The following CDKAL1 variants were observed in gnomAD, a reference collection of about 807,000 sequenced individuals.
CDKAL1 encodes the protein threonylcarbamoyladenosine tRNA methylthiotransferase.
CDKAL1 carries 32 observed loss-of-function variants against 68.2 expected under a neutral mutation model. The observed-to-expected ratio is 0.47, with a 90% CI of 0.35 to 0.63. The LOEUF (loss-of-function observed/expected upper bound fraction) is 0.63, where lower values mean the gene tolerates loss of function less well. CDKAL1 is among the 30% of genes least tolerant of loss of function. The pLI, the probability that CDKAL1 is intolerant of heterozygous loss-of-function variation, is 0.00. For synonymous variants in CDKAL1, 234 were observed against 244.3 expected (o/e 0.96, Z 0.39); for missense variants, 606 against 696.7 (o/e 0.87, Z 1.47).
rs555646027 is a variant in CDKAL1 at position 20,801,287 on chromosome 6, C to T, written c.638+20022C>T. Among the ~76,000 whole-genome samples, 4 of 152,304 alleles carry T rather than the reference C, an allele frequency of 2.6e-5. No individual in the cohort carries two copies. In the South Asian group the frequency reaches 8.3e-4, roughly 32 times the overall value. ...TTCTATCCTCATCTACCACCTTAGG[C>T]TTGCTAACGAGGCTCTGCAGATGAA... On this transcript the variant is annotated intron_variant, in intron 8 of 15. Coordinates refer to ENST00000274695, the MANE Select transcript of CDKAL1 (RefSeq NM_017774.3).
chr6:21,182,226 G>C (rs950901979), intron 13 of CDKAL1, among the ~76,000 whole-genome samples: 2 of 152,092 alleles, frequency 1.3e-5, no homozygotes, highest in African/African-American at 4.8e-5. Flanking sequence ...ATAAATTATA[G>C]AATTAAATTT....
At chr6:20,771,415 T>C (rs181438919) in intron 7 of CDKAL1, among the ~76,000 whole-genome samples, 2 of 152,234 alleles carry the variant, frequency 1.3e-5, no homozygotes, top group East Asian at 3.9e-4. Context: ...TGATTGGAAG[T>C]GAAATGAAGG....
intron 4 of CDKAL1, among the ~76,000 whole-genome samples, chr6:20,632,273 C>T (rs967714907): frequency 2.0e-5 from 3 of 152,190 alleles, no homozygotes; most frequent in Admixed American, 6.5e-5. Context: ...CCTTCTTGAT[C>T]GTGTGGCTGA....
chr6:20,704,931 C>T (rs1189749125), intron 5 of CDKAL1, among the ~76,000 whole-genome samples: 5 of 152,118 alleles, frequency 3.3e-5, no homozygotes, highest in Non-Finnish European at 7.4e-5. Flanking sequence ...ATAAATGGGT[C>T]AGAAAGCCTG....
rs558792556 is a variant in CDKAL1 at position 21,088,159 on chromosome 6, G to A, written c.1237-20242G>A. Among the ~76,000 whole-genome samples the A allele has an allele frequency of 4.6e-5, 7 of 152,278 alleles. No homozygotes were observed. In the South Asian group the frequency reaches 1.5e-3, roughly 32 times the overall value. ...TGTCCCTATCAATGGGAACAACATA[G>A]TTGAACATCTGGCTAGTGACTATAC... On this transcript the variant is annotated intron_variant, in intron 12 of 15. Transcript: ENST00000274695.
At chr6:21,102,504 C>G (rs1773629994) in intron 12 of CDKAL1, among the ~76,000 whole-genome samples, 2 of 152,168 alleles carry the variant, frequency 1.3e-5, no homozygotes, top group South Asian at 4.1e-4. Context: ...TTAGTAAGCC[C>G]TTGTTCTCTG....
At chr6:21,222,936 T>G (rs73389909) in intron 15 of CDKAL1, among the ~76,000 whole-genome samples, 10,852 of 152,118 alleles carry the variant, frequency 0.071, 1,096 homozygotes, top group African/African-American at 0.23. Flanking sequence ...GCATCAAGTG[T>G]GTGTGCATGT....
chr6:20,679,066 G>C (rs1770253561), intron 5 of CDKAL1, among the ~76,000 whole-genome samples: 1 of 152,086 alleles, frequency 6.6e-6, no homozygotes, highest in Non-Finnish European at 1.5e-5. Context: ...CACCACACAT[G>C]GCTAGATTTA....
rs1160270010 is a variant in CDKAL1 at position 21,192,090 on chromosome 6, C to T, written c.1300-5931C>T. ...ACTGCGGACTGCAGTGGCGCAATCT[C>T]GGCTCACTGCAAGCTCCGCTTCCCG... On this transcript the variant is annotated intron_variant, in intron 13 of 15. Coordinates refer to ENST00000274695, the MANE Select transcript of CDKAL1 (RefSeq NM_017774.3). Among the ~76,000 whole-genome samples, 8 of 122,252 alleles carry T rather than the reference C, an allele frequency of 6.5e-5. No homozygotes were observed. The East Asian group carries it at 1.1e-3, about 16-fold the overall frequency. The allele number at this position is 122,252 out of a possible 152,430, so 80.2% of individuals were successfully genotyped here.
At chr6:21,211,386 G>A (rs1031933139) in intron 15 of CDKAL1, among the ~76,000 whole-genome samples, 2 of 152,150 alleles carry the variant, frequency 1.3e-5, no homozygotes, top group Admixed American at 6.5e-5. Flanking sequence ...GCTGCGCTTC[G>A]GTAACAAATT....
rs867191078 is a variant in CDKAL1, at chr6:21,115,335, G to T, written c.1299+6872G>T. On this transcript the variant is annotated intron_variant, in intron 13 of 15. Coordinates refer to ENST00000274695, the MANE Select transcript of CDKAL1 (RefSeq NM_017774.3). Reference sequence around the variant, plus strand: ...ATGTAGCAACAGAGTGCTTTGAGTTGTTTTTCTAGAGAGAGAGAGATGTGG... The same window carrying T: ...ATGTAGCAACAGAGTGCTTTGAGTTTTTTTTCTAGAGAGAGAGAGATGTGG... Among the ~76,000 whole-genome samples the T allele has an allele frequency of 2.0e-5, 3 of 152,328 alleles. No homozygotes were observed. In the South Asian group the frequency reaches 6.2e-4, roughly 32 times the overall value.
At position 20,816,262 on chromosome 6, in the gene CDKAL1, A is replaced by G. The variant is rs151199663; in HGVS notation, c.639-29813A>G. ...AGTCACATTCACAGATTCCTGGCAG[A>G]TGTGAATTCTGCAGGGATACTAGTC... On this transcript the variant is annotated intron_variant, in intron 8 of 15. Coordinates refer to ENST00000274695, the MANE Select transcript of CDKAL1 (RefSeq NM_017774.3). 2.2e-4 allele frequency among the ~76,000 whole-genome samples: 33 copies of G among 152,270 alleles called. 1 individual carries two copies. Among genetic ancestry groups the G allele is most frequent in the Admixed American group, 1.8e-3 (27 of 15,292 alleles).
intron 13 of CDKAL1, among the ~76,000 whole-genome samples, chr6:21,169,449 A>G (rs987438143): frequency 7.2e-5 from 11 of 152,182 alleles, no homozygotes; most frequent in African/African-American, 2.2e-4. Flanking sequence ...AGCCTGGCCA[A>G]CATGGCGAAA....
intron 9 of CDKAL1, among the ~76,000 whole-genome samples, chr6:20,863,741 A>G (rs998803509): frequency 3.3e-5 from 5 of 152,368 alleles, no homozygotes; most frequent in South Asian, 2.1e-4. Context: ...ATGTATACCC[A>G]TACTGTAATA....
intron 8 of CDKAL1, among the ~76,000 whole-genome samples, chr6:20,838,193 A>G (rs1172547567): frequency 6.6e-6 from 1 of 152,080 alleles, no homozygotes; most frequent in Non-Finnish European, 1.5e-5. Flanking sequence ...GATAAATTAT[A>G]TGTCTATTTA....
rs569396598 is a variant in CDKAL1, at chr6:21,196,553, T to C, written c.1300-1468T>C. On this transcript the variant is annotated intron_variant, in intron 13 of 15. Coordinates refer to ENST00000274695, the MANE Select transcript of CDKAL1 (RefSeq NM_017774.3). Reference sequence around the variant, plus strand: ...TAAGAGGGCTATATTTTGAATGAGATAGTAAACTAGATAGTAAATTATGGT... The same window carrying C: ...TAAGAGGGCTATATTTTGAATGAGACAGTAAACTAGATAGTAAATTATGGT... Among the ~76,000 whole-genome samples, 5 of 152,344 alleles carry C rather than the reference T, an allele frequency of 3.3e-5. No individual in the cohort carries two copies. The South Asian group carries it at 1.0e-3, about 32-fold the overall frequency.
intron 9 of CDKAL1, among the ~76,000 whole-genome samples, chr6:20,846,409 CAT>C (rs1778378613): frequency 6.6e-6 from 1 of 152,112 alleles, no homozygotes; most frequent in Non-Finnish European, 1.5e-5. Flanking sequence ...AGGTAAATGA[CAT>C]ATTTTGAACT....
intron 11 of CDKAL1, among the ~76,000 whole-genome samples, chr6:21,017,953 T>C (rs1768433391): frequency 6.6e-6 from 1 of 152,194 alleles, no homozygotes. Flanking sequence ...ATGTTACCAA[T>C]AGGAATTTGA....
chr6:20,901,110 A>G (rs1205471202), intron 9 of CDKAL1, among the ~76,000 whole-genome samples: 1 of 152,114 alleles, frequency 6.6e-6, no homozygotes, highest in African/African-American at 2.4e-5. Flanking sequence ...GGTGAGAGAG[A>G]GAGAGGCCAG....
Sources: gnomAD v4.1 joint callset for allele counts (sites outside exome capture counted in the v4.1 genomes callset) on GRCh38, gnomAD v4.1.1 for gene constraint, MANE v1.5 for transcripts, NCBI Gene and HGNC (gene_info 2026-07-23, HGNC 2026-07-21) for gene names.